The following DOK6 variants were observed in gnomAD, a reference collection of about 807,000 sequenced individuals.
DOK6 encodes the protein downstream of tyrosine kinase 6.
DOK6 carries 22 observed loss-of-function variants against 44.0 expected under a neutral mutation model. The observed-to-expected ratio is 0.50, with a 90% CI of 0.36 to 0.71. The LOEUF is 0.71. Ranked by LOEUF, DOK6 falls within the 30% of genes least tolerant of loss-of-function variation. The probability of loss-of-function intolerance (pLI) is 0.00; values close to 1 mark genes in which losing one functional copy is unlikely to be tolerated. For missense variants in DOK6, 340 were observed against 416.4 expected (o/e 0.82, Z 1.60); for synonymous variants, 166 against 145.5 (o/e 1.14, Z -1.01).
intron 7 of DOK6, among the ~76,000 whole-genome samples, chr18:69,787,113 G>A (rs1195710875): frequency 6.6e-6 from 1 of 152,186 alleles, no homozygotes; most frequent in African/African-American, 2.4e-5. Context: ...CTAGTTGGGA[G>A]GCTGAGGCAG....
chr18:69,549,610 C>A (rs571017866), intron 1 of DOK6, among the ~76,000 whole-genome samples: 2 of 151,696 alleles, frequency 1.3e-5, no homozygotes, highest in South Asian at 4.2e-4. Context: ...TGTATACACA[C>A]TTTTTGGTGG....
chr18:69,698,272 G>A (rs1986431959), intron 4 of DOK6, 132 bp from the exon 5 acceptor site: 1 of 725,868 alleles, frequency 1.4e-6, no homozygotes, highest in Admixed American at 3.2e-5. Context: ...GTTCTACAAT[G>A]TTTATCCATA....
intron 1 of DOK6, among the ~76,000 whole-genome samples, chr18:69,495,819 A>T (rs1181588609): frequency 6.6e-6 from 1 of 152,154 alleles, no homozygotes; most frequent in Non-Finnish European, 1.5e-5. Context: ...TCCTATGCTC[A>T]TCAGCACCCA....
At chr18:69,544,440 G>A (rs572560354) in intron 1 of DOK6, among the ~76,000 whole-genome samples, 1 of 151,718 alleles carries the variant, frequency 6.6e-6, no homozygotes, top group South Asian at 2.1e-4. Context: ...AGGAGTGAAT[G>A]AAGAAAATAA....
At chr18:69,764,218 G>A (rs1044796767) in intron 7 of DOK6, among the ~76,000 whole-genome samples, 5 of 152,060 alleles carry the variant, frequency 3.3e-5, no homozygotes, top group East Asian at 1.9e-4. Context: ...GTTAGTTCAC[G>A]TTCTTCTTTT....
chr18:69,476,203 C>T (rs143501718), intron 1 of DOK6, among the ~76,000 whole-genome samples: 5 of 152,274 alleles, frequency 3.3e-5, no homozygotes, highest in South Asian at 4.1e-4. Flanking sequence ...TTTAAATGCA[C>T]GTCTTCACAG....
intron 1 of DOK6, among the ~76,000 whole-genome samples, chr18:69,484,411 A>G (rs1980515105): frequency 6.6e-6 from 1 of 152,184 alleles, no homozygotes. Context: ...TTTAGAAGCT[A>G]TCTTTCTTTT....
intron 1 of DOK6, among the ~76,000 whole-genome samples, chr18:69,488,096 C>T (rs993557155): frequency 2.0e-5 from 3 of 152,118 alleles, no homozygotes; most frequent in Non-Finnish European, 4.4e-5. Context: ...AGCCTTGTCC[C>T]TTGGCTTGTA....
intron 1 of DOK6, among the ~76,000 whole-genome samples, chr18:69,459,969 TTTTATAAAATTTAA>T (rs1479620449): frequency 1.3e-5 from 2 of 152,226 alleles, no homozygotes; most frequent in Non-Finnish European, 2.9e-5. Flanking sequence ...TTAGGAACTC[TTTTATAAAATTTAA>T]TTTATAACCA....
intron 3 of DOK6, 21 bp downstream of exon 3, chr18:69,599,519 T>C (rs1599214259): frequency 6.3e-7 from 1 of 1,598,954 alleles, no homozygotes; most frequent in Non-Finnish European, 8.6e-7. Context: ...ATTGGCCATC[T>C]ACCCCTTGAG....
chr18:69,794,685 C>A (rs192814856), intron 7 of DOK6, among the ~76,000 whole-genome samples: 5 of 152,248 alleles, frequency 3.3e-5, no homozygotes, highest in Admixed American at 3.3e-4. Context: ...AGAAACCAGG[C>A]CACAGAGCAG....
At chr18:69,406,942 G>A (rs1312075204) in intron 1 of DOK6, among the ~76,000 whole-genome samples, 1 of 152,102 alleles carries the variant, frequency 6.6e-6, no homozygotes, top group Non-Finnish European at 1.5e-5. Flanking sequence ...TTAGCGGGGT[G>A]CAGAGGCCAG....
chr18:69,647,112 A>G (rs1985101131), intron 3 of DOK6, among the ~76,000 whole-genome samples: 1 of 148,468 alleles, frequency 6.7e-6, no homozygotes, highest in African/African-American at 2.5e-5. Context: ...CTGTCTATCT[A>G]TCCTATCTGT....
chr18:69,773,422 C>A (rs541463217), intron 7 of DOK6, among the ~76,000 whole-genome samples: 2 of 151,812 alleles, frequency 1.3e-5, no homozygotes, highest in East Asian at 3.9e-4. Context: ...TCACAATAGC[C>A]AAGATATGGA....
At chr18:69,508,412 T>G (rs887469063) in intron 1 of DOK6, among the ~76,000 whole-genome samples, 1 of 152,250 alleles carries the variant, frequency 6.6e-6, no homozygotes, top group Non-Finnish European at 1.5e-5. Context: ...TTTTGTGCAG[T>G]AGTTAGTATA....
At chr18:69,468,998 CT>C (rs1358771699) in intron 1 of DOK6, among the ~76,000 whole-genome samples, 1 of 152,196 alleles carries the variant, frequency 6.6e-6, no homozygotes, top group Non-Finnish European at 1.5e-5. Flanking sequence ...CGAGGAATTA[CT>C]TTTGAAAATG....
chr18:69,687,850 T>C (rs1986186414), intron 4 of DOK6, among the ~76,000 whole-genome samples: 1 of 152,152 alleles, frequency 6.6e-6, no homozygotes, highest in African/African-American at 2.4e-5. Context: ...TCAAACTTTT[T>C]ACTGAAAGTC....
intron 2 of DOK6, among the ~76,000 whole-genome samples, chr18:69,590,126 A>G (rs1025759490): frequency 1.5e-4 from 23 of 152,190 alleles, no homozygotes; most frequent in African/African-American, 5.3e-4. Flanking sequence ...CACAGTGAAC[A>G]GCACACTGTC....
intron 1 of DOK6, among the ~76,000 whole-genome samples, chr18:69,558,214 C>G (rs144878251): frequency 1.3e-5 from 2 of 152,216 alleles, no homozygotes; most frequent in Non-Finnish European, 2.9e-5. Context: ...AAAGCAGATC[C>G]TAATGCACTA....
Sources: gnomAD v4.1 joint callset for allele counts (sites outside exome capture counted in the v4.1 genomes callset) on GRCh38, gnomAD v4.1.1 for gene constraint, MANE v1.5 for transcripts, NCBI Gene and HGNC (gene_info 2026-07-23, HGNC 2026-07-21) for gene names.